BCAS3: variants seen among roughly 807,000 people sequenced by gnomAD.
The protein encoded by BCAS3 is BCAS4/BCAS3 fusion.
Under a neutral mutation model 116.1 loss-of-function variants are expected in BCAS3, and 53 were observed. The observed-to-expected ratio is 0.46, with a 90% confidence interval of 0.37 to 0.57. The LOEUF (loss-of-function observed/expected upper bound fraction) is 0.57, where lower values mean the gene tolerates loss of function less well. BCAS3 is among the 20% of genes least tolerant of loss of function. The probability of loss-of-function intolerance (pLI) is 0.00; values close to 1 mark genes in which losing one functional copy is unlikely to be tolerated. For synonymous variants in BCAS3, 391 were observed against 408.2 expected (o/e 0.96, Z 0.51); for missense variants, 917 against 1,165.4 (o/e 0.79, Z 3.10).
At chr17:61,330,047 C>G (rs2056133959) in intron 22 of BCAS3, among the ~76,000 whole-genome samples, 1 of 152,182 alleles carries the variant, frequency 6.6e-6, no homozygotes, top group South Asian at 2.1e-4. Flanking sequence ...ACCAATGTTG[C>G]AGTACAGAAT....
At chr17:61,295,515 G>T (rs1320428666) in intron 22 of BCAS3, among the ~76,000 whole-genome samples, 2 of 152,142 alleles carry the variant, frequency 1.3e-5, no homozygotes, top group African/African-American at 4.8e-5. Flanking sequence ...TTTCCTGTGG[G>T]ATTGCTGCTG....
At chr17:60,884,618 C>A (rs1425195132) in intron 9 of BCAS3, among the ~76,000 whole-genome samples, 1 of 138,154 alleles carries the variant, frequency 7.2e-6, no homozygotes, top group Non-Finnish European at 1.6e-5. Flanking sequence ...GCTTTGAATG[C>A]GTCCCAGAGA....
Position 60,964,583 on chromosome 17 carries a change from A to C in BCAS3, c.1221+17231A>C, listed in dbSNP as rs548284053. Reference sequence around the variant, plus strand: ...AGTTTGGAAGTATGTCCTCCTCTTCAATTTTTTTGAAGAGTTTGAGTACAA... The same window carrying C: ...AGTTTGGAAGTATGTCCTCCTCTTCCATTTTTTTGAAGAGTTTGAGTACAA... On this transcript the variant is annotated intron_variant, in intron 14 of 23. Transcript: ENST00000407086. This position sits in a 1 kb window ranked among gnomAD's most constrained non-coding sequence, Gnocchi z 4.6. 9.2e-5 allele frequency among the ~76,000 whole-genome samples: 14 copies of C among 152,292 alleles called. No individual in the cohort carries two copies. In the East Asian group the frequency reaches 2.3e-3, roughly 25 times the overall value.
rs951339061 is a variant in BCAS3, at chr17:60,928,662, A to T, written c.1087+4162A>T. 2.0e-5 allele frequency among the ~76,000 whole-genome samples: 3 copies of T among 152,192 alleles called. No homozygotes were observed. The East Asian group carries it at 5.8e-4, about 29-fold the overall frequency. On this transcript the variant is annotated intron_variant, in intron 13 of 23. Coordinates refer to ENST00000407086, the MANE Select transcript of BCAS3 (RefSeq NM_017679.5). ...GTTCTGAATATTGACTTATTACTTG[A>T]TTATGAGCAAGGATGCAGAAAGTGC...
chr17:61,236,257 G>A (rs1568634503), intron 22 of BCAS3, among the ~76,000 whole-genome samples: 2 of 152,164 alleles, frequency 1.3e-5, no homozygotes, highest in South Asian at 4.1e-4. Flanking sequence ...GAGGACAGGG[G>A]CAAGTTGCTC....
At chr17:60,803,404 C>T (rs1428636231) in intron 6 of BCAS3, among the ~76,000 whole-genome samples, 1 of 152,112 alleles carries the variant, frequency 6.6e-6, no homozygotes, top group East Asian at 1.9e-4. Flanking sequence ...AAAGATTCTG[C>T]GATGTAAAGT....
Position 61,302,782 on chromosome 17 carries a change from A to G in BCAS3, c.2426-65545A>G, listed in dbSNP as rs900788137. On this transcript the variant is annotated intron_variant, in intron 22 of 23. Coordinates refer to ENST00000407086, the MANE Select transcript of BCAS3 (RefSeq NM_017679.5). The surrounding 1 kb of genome is among the most constrained non-coding windows in gnomAD (Gnocchi z 4.4). ...TCTGGATGTGTTTTTATCTAAGAGAATCCTACAGTAGTTCAGACTTTGTAG... is the reference window on the plus strand; with the variant it reads ...TCTGGATGTGTTTTTATCTAAGAGAGTCCTACAGTAGTTCAGACTTTGTAG... Among the ~76,000 whole-genome samples the G allele has an allele frequency of 5.3e-5, 8 of 152,168 alleles. No homozygotes were observed. The highest frequency in any genetic ancestry group is 1.9e-4 in the African/African-American group (8 of 41,428).
chr17:60,747,059 C>A, intron 5 of BCAS3, 139 bp from the exon 6 acceptor site: 2 of 527,538 alleles, frequency 3.8e-6, no homozygotes, highest in Admixed American at 3.0e-5. Flanking sequence ...CATGTATGAC[C>A]AATGATAAAT....
chr17:60,805,418 C>T (rs1198451880), intron 6 of BCAS3, among the ~76,000 whole-genome samples: 2 of 152,126 alleles, frequency 1.3e-5, no homozygotes, highest in African/African-American at 4.8e-5. Context: ...CTCAGGGTCT[C>T]TGGGTGGGCC....
At position 61,346,278 on chromosome 17, in the gene BCAS3, GAGA is replaced by G. The variant is rs2057499545; in HGVS notation, c.2426-22043_2426-22041del. Among the ~76,000 whole-genome samples, 1 of 152,194 alleles carries G rather than the reference GAGA, an allele frequency of 6.6e-6. No homozygotes were observed. The highest frequency in any genetic ancestry group is 1.5e-5 in the Non-Finnish European group (1 of 68,030). ...CACAAAGAGCATTTGTATTCCTTTG[GAGA>G]AGAAGTACTTCCTTTTATTGTCAGG... is the stretch of plus-strand genomic sequence containing the variant. On this transcript the variant is annotated intron_variant, in intron 22 of 23. Coordinates refer to ENST00000407086, the MANE Select transcript of BCAS3 (RefSeq NM_017679.5). The surrounding 1 kb of genome is among the most constrained non-coding windows in gnomAD (Gnocchi z 5.4).
At chr17:61,093,207 C>T (rs770747158) in intron 22 of BCAS3, among the ~76,000 whole-genome samples, 1 of 151,976 alleles carries the variant, frequency 6.6e-6, no homozygotes, top group Non-Finnish European at 1.5e-5. Flanking sequence ...CATGCCCAGC[C>T]CCTCCAGTCT....
rs1313250507 is a variant in BCAS3, at chr17:61,380,278, T to C, written c.2594-11699T>C. On this transcript the variant is annotated intron_variant, in intron 23 of 23. Coordinates refer to ENST00000407086, the MANE Select transcript of BCAS3 (RefSeq NM_017679.5). This position sits in a 1 kb window ranked among gnomAD's most constrained non-coding sequence, Gnocchi z 4.2. ...GCAGGAGTGTAGGAACTCAGGCAGC[T>C]GGACTGGGGAGGAGGGAGAGAGGGA... 1.8e-6 allele frequency: 1 copy of C among 561,460 alleles called. No homozygotes were observed. The highest frequency in any genetic ancestry group is 3.2e-6 in the Non-Finnish European group (1 of 312,836). The allele number at this position is 561,460 out of a possible 1,614,324, so 34.8% of individuals were successfully genotyped here.
intron 6 of BCAS3, among the ~76,000 whole-genome samples, chr17:60,771,504 A>C (rs1199240638): frequency 1.3e-5 from 2 of 152,166 alleles, no homozygotes; most frequent in African/African-American, 4.8e-5. Context: ...CTTTCACAAA[A>C]CTTGGAATAA....
chr17:60,686,820 C>G (rs1326124163), intron 3 of BCAS3, among the ~76,000 whole-genome samples: 1 of 152,160 alleles, frequency 6.6e-6, no homozygotes, highest in African/African-American at 2.4e-5. Context: ...GCCACTGCAC[C>G]TGGCCGAAAA....
intron 19 of BCAS3, among the ~76,000 whole-genome samples, chr17:61,055,546 C>G (rs1272652042): frequency 2.6e-5 from 4 of 152,048 alleles, no homozygotes; most frequent in African/African-American, 9.7e-5. Context: ...TGACCTCTGC[C>G]CCCTGGGTCA....
chr17:61,292,022 A>C (rs1420310378), intron 22 of BCAS3, among the ~76,000 whole-genome samples: 1 of 152,156 alleles, frequency 6.6e-6, no homozygotes, highest in Admixed American at 6.5e-5. Flanking sequence ...CTATAAAAGG[A>C]ACAAGAGGTT....
intron 22 of BCAS3, among the ~76,000 whole-genome samples, chr17:61,194,104 G>A (rs1332799382): frequency 5.3e-5 from 8 of 152,032 alleles, no homozygotes; most frequent in African/African-American, 4.8e-5. Context: ...GTGACAGAGC[G>A]AGACCCTGTC....
rs1159465969 is a variant in BCAS3, at chr17:61,222,536, G to A, written c.2425+137972G>A. Among the ~76,000 whole-genome samples, 1 of 152,152 alleles carries A rather than the reference G, an allele frequency of 6.6e-6. No homozygotes were observed. Among genetic ancestry groups the A allele is most frequent in the African/African-American group, 2.4e-5 (1 of 41,444 alleles). ...TGTTTGCCTGAGGTACAGATGTTTC[G>A]TGGATCTCCCCTGGTACATTTTTCT... On this transcript the variant is annotated intron_variant, in intron 22 of 23. Transcript: ENST00000407086. The surrounding 1 kb of genome is among the most constrained non-coding windows in gnomAD (Gnocchi z 6.1).
intron 5 of BCAS3, among the ~76,000 whole-genome samples, chr17:60,714,798 C>T (rs1167065117): frequency 2.0e-5 from 3 of 152,168 alleles, no homozygotes; most frequent in Admixed American, 2.0e-4. Context: ...AGAGTCAGCT[C>T]AAAAGCAGAA....
Sources: gnomAD v4.1 joint callset for allele counts (sites outside exome capture counted in the v4.1 genomes callset) on GRCh38, gnomAD v4.1.1 for gene constraint, Gnocchi (gnomAD v3.1) non-coding constraint, MANE v1.5 for transcripts, NCBI Gene and HGNC (gene_info 2026-07-23, HGNC 2026-07-21) for gene names.